CYTH3: variants seen among roughly 807,000 people sequenced by gnomAD.
CYTH3 encodes cytohesin-3.
Under a neutral mutation model 55.1 loss-of-function variants are expected in CYTH3, and 23 were observed. The observed-to-expected ratio is 0.42, with a 90% CI of 0.30 to 0.59. CYTH3 has a LOEUF of 0.59. CYTH3 is among the 20% of genes least tolerant of loss of function. The pLI is 0.20. For synonymous variants in CYTH3, 249 were observed against 194.9 expected, an observed-to-expected ratio of 1.28 and a Z score of -2.31; for missense variants, 413 against 524.8, an observed-to-expected ratio of 0.79 and a Z score of 2.08.
intron 1 of CYTH3, among the ~76,000 whole-genome samples, chr7:6,204,716 T>C (rs972212470): frequency 6.6e-6 from 1 of 152,210 alleles, no homozygotes; most frequent in Admixed American, 6.5e-5. Context: ...GCCCACTCCT[T>C]TAGCCAACCC....
intron 6 of CYTH3, among the ~76,000 whole-genome samples, chr7:6,172,546 G>A (rs1250675918): frequency 2.6e-5 from 4 of 152,186 alleles, no homozygotes; most frequent in African/African-American, 9.7e-5. Flanking sequence ...AGCTCCTCAG[G>A]CCACAGGACC....
intron 1 of CYTH3, among the ~76,000 whole-genome samples, chr7:6,226,538 C>G (rs1379820308): frequency 6.6e-6 from 1 of 152,198 alleles, no homozygotes; most frequent in Non-Finnish European, 1.5e-5. Flanking sequence ...AGCTGGCAGT[C>G]TTGGCTGAAG....
chr7:6,180,448 G>C (rs536384803), intron 4 of CYTH3, among the ~76,000 whole-genome samples: 1 of 152,240 alleles, frequency 6.6e-6, no homozygotes, highest in Non-Finnish European at 1.5e-5. Context: ...ACAAGACAAT[G>C]GAGGCAGAGA....
At chr7:6,192,052 T>C (rs1783814844) in intron 1 of CYTH3, among the ~76,000 whole-genome samples, 2 of 152,072 alleles carry the variant, frequency 1.3e-5, no homozygotes, top group Admixed American at 1.3e-4. Context: ...TGAGGCTGAC[T>C]GTGCCACTGC....
chr7:6,229,248 C>T (rs982614805), intron 1 of CYTH3, among the ~76,000 whole-genome samples: 2 of 152,168 alleles, frequency 1.3e-5, no homozygotes, highest in Non-Finnish European at 2.9e-5. Context: ...CAATTAACAC[C>T]TAATTTTACA....
intron 5 of CYTH3, among the ~76,000 whole-genome samples, chr7:6,175,865 A>T (rs1783338570): frequency 6.6e-6 from 1 of 152,106 alleles, no homozygotes; most frequent in South Asian, 2.1e-4. Flanking sequence ...TGTAATCAGG[A>T]AATGTGAGTT....
intron 1 of CYTH3, among the ~76,000 whole-genome samples, chr7:6,240,248 A>G (rs1487293170): frequency 1.4e-5 from 2 of 144,026 alleles, no homozygotes; most frequent in African/African-American, 5.3e-5. Flanking sequence ...GGTTGCAGTG[A>G]GCTGAGATCG....
chr7:6,216,732 C>G (rs1342796345), intron 1 of CYTH3, among the ~76,000 whole-genome samples: 1 of 151,694 alleles, frequency 6.6e-6, no homozygotes, highest in African/African-American at 2.4e-5. Flanking sequence ...CAGGGTGAGA[C>G]CCCATCTCAA....
chr7:6,189,262 A>C (rs990973033), intron 2 of CYTH3, among the ~76,000 whole-genome samples: 2 of 151,838 alleles, frequency 1.3e-5, no homozygotes, highest in Non-Finnish European at 2.9e-5. Context: ...AGTAAAGTAC[A>C]CAAGTGTGGA....
chr7:6,183,434 G>C (rs1006557016), intron 4 of CYTH3, among the ~76,000 whole-genome samples: 2 of 152,180 alleles, frequency 1.3e-5, no homozygotes, highest in East Asian at 1.9e-4. Context: ...ATAAAGGAGA[G>C]GCTGCAGAGT....
At chr7:6,272,410 G>GGGGGGGGGGGGCCCCCCCCCC in intron 1 of CYTH3, 64 bp downstream of exon 1, 1 of 1,216,618 alleles carries the variant, frequency 8.2e-7, no homozygotes, top group Non-Finnish European at 1.1e-6. Flanking sequence ...CCGCGCCCTC[G>GGGGGGGGGGGGCCCCCCCCCC]ACCCCCAGCC....
intron 1 of CYTH3, among the ~76,000 whole-genome samples, chr7:6,232,639 G>C (rs956202612): frequency 6.6e-6 from 1 of 152,162 alleles, no homozygotes; most frequent in Non-Finnish European, 1.5e-5. Flanking sequence ...GCAACAGCCA[G>C]GACTGTAGCA....
intron 1 of CYTH3, among the ~76,000 whole-genome samples, chr7:6,252,154 T>A (rs1779988046): frequency 6.6e-6 from 1 of 152,218 alleles, no homozygotes; most frequent in Non-Finnish European, 1.5e-5. Context: ...CTGAATTTAT[T>A]TGCTGTATGG....
intron 9 of CYTH3, 53 bp from the exon 10 acceptor site, chr7:6,165,863 G>GA: frequency 6.4e-7 from 1 of 1,572,478 alleles, no homozygotes; most frequent in East Asian, 2.2e-5. Flanking sequence ...GGAGCCCGCG[G>GA]GTCCAAGAGG....
chr7:6,204,588 G>A (rs912043267), intron 1 of CYTH3, among the ~76,000 whole-genome samples: 10 of 152,190 alleles, frequency 6.6e-5, no homozygotes, highest in African/African-American at 2.4e-4. Context: ...GTGGCCTCCT[G>A]ATTCAGGTTC....
intron 1 of CYTH3, among the ~76,000 whole-genome samples, chr7:6,264,003 T>C (rs966464488): frequency 1.3e-4 from 20 of 151,924 alleles, no homozygotes; most frequent in African/African-American, 7.3e-5. Flanking sequence ...TCCCAGCACT[T>C]TGGGAGGCTG....
In CYTH3 at chr7:6,190,184, C is replaced by T. The variant is rs899083863; in HGVS notation, c.117+265G>A. On this transcript the variant is annotated intron_variant, in intron 2 of 12. Transcript: ENST00000350796. ...TGGCCCTGGGTTTGCGAGCTGGCTACTGCTGACCTCAGTTCTACGATGTCT... is the reference window on the plus strand; with the variant it reads ...TGGCCCTGGGTTTGCGAGCTGGCTATTGCTGACCTCAGTTCTACGATGTCT... 8.5e-5 allele frequency among the ~76,000 whole-genome samples: 13 copies of T among 152,334 alleles called. No homozygotes were observed. In the South Asian group the frequency reaches 1.0e-3, roughly 12 times the overall value.
At chr7:6,221,821 G>A (rs1174882884) in intron 1 of CYTH3, among the ~76,000 whole-genome samples, 1 of 152,102 alleles carries the variant, frequency 6.6e-6, no homozygotes, top group Non-Finnish European at 1.5e-5. Context: ...ACATAGTGAG[G>A]CGTGTCTGTG....
chr7:6,230,504 C>G (rs1055604796), intron 1 of CYTH3, among the ~76,000 whole-genome samples: 3 of 152,198 alleles, frequency 2.0e-5, no homozygotes, highest in Non-Finnish European at 2.9e-5. Context: ...AGCCACCAGA[C>G]TTAAAATTCT....
Sources: allele counts gnomAD v4.1 joint callset (sites outside exome capture counted in the v4.1 genomes callset), GRCh38; gene constraint gnomAD v4.1.1; transcripts MANE v1.5; gene names NCBI Gene and HGNC (gene_info 2026-07-23, HGNC 2026-07-21).